The following EFCAB6 variants were observed in gnomAD, a reference collection of about 807,000 sequenced individuals.
EFCAB6 encodes the protein EF-hand calcium-binding domain-containing protein 6.
EFCAB6 carries 156 observed loss-of-function variants against 169.8 expected under a neutral mutation model. The observed-to-expected ratio is 0.92, with a 90% CI of 0.81 to 1.05. EFCAB6 has a LOEUF of 1.05. Among genes scored for constraint, EFCAB6 ranks in the 50% least tolerant of loss-of-function variants. The pLI is 0.00. For missense variants in EFCAB6, 1,800 were observed against 1,829.1 expected (o/e 0.98, Z 0.29); for synonymous variants, 698 against 676.4 (o/e 1.03, Z -0.50).
chr22:43,804,960 AT>A (rs2062864665), intron 2 of EFCAB6, among the ~76,000 whole-genome samples: 1 of 152,202 alleles, frequency 6.6e-6, no homozygotes, highest in Admixed American at 6.5e-5. Flanking sequence ...ATGATCTTAT[AT>A]TTAGAAAAAA....
At chr22:43,753,005 A>AGG (rs1411963974) in intron 6 of EFCAB6, among the ~76,000 whole-genome samples, 1 of 152,152 alleles carries the variant, frequency 6.6e-6, no homozygotes, top group Non-Finnish European at 1.5e-5. Flanking sequence ...TACTGAATGC[A>AGG]GGGGCTTTGC....
intron 9 of EFCAB6, 111 bp downstream of exon 9, chr22:43,716,736 AG>A: frequency 7.5e-7 from 1 of 1,335,994 alleles, no homozygotes; most frequent in Admixed American, 2.8e-5. Flanking sequence ...GAGAAGACAT[AG>A]GTAGGATCGA....
At chr22:43,591,111 G>GTTTTTTTTTTTTTTTTTTTTTTT (rs67053426) in intron 23 of EFCAB6, among the ~76,000 whole-genome samples, 1 of 131,092 alleles carries the variant, frequency 7.6e-6, no homozygotes. Flanking sequence ...TTTGTTTTTT[G>GTTTTTTTTTTTTTTTTTTTTTTT]TTTTTTTTTT....
chr22:43,779,463 CG>C (rs1178429317), intron 3 of EFCAB6, among the ~76,000 whole-genome samples: 3 of 152,094 alleles, frequency 2.0e-5, no homozygotes, highest in Non-Finnish European at 4.4e-5. Flanking sequence ...AAAAAAATGC[CG>C]GGCACGGTGG....
intron 26 of EFCAB6, among the ~76,000 whole-genome samples, chr22:43,566,094 C>T (rs564614038): frequency 1.3e-5 from 2 of 152,236 alleles, no homozygotes; most frequent in South Asian, 2.1e-4. Context: ...CTACAGACCT[C>T]GCTGCCGGAT....
chr22:43,765,812 A>G (rs2061309991), intron 4 of EFCAB6, among the ~76,000 whole-genome samples: 1 of 152,218 alleles, frequency 6.6e-6, no homozygotes, highest in South Asian at 2.1e-4. Context: ...TAAGGTAGAA[A>G]AAAATCCATT....
Position 43,783,756 on chromosome 22 carries a change from A to G in EFCAB6, c.-7-1431T>C, listed in dbSNP as rs138950877. On this transcript the variant is annotated intron_variant, in intron 2 of 31. Coordinates refer to ENST00000262726, the MANE Select transcript of EFCAB6 (RefSeq NM_022785.4). ...ATATGATTTCCACAACTACTACATT[A>G]TATTATTTAAAATGTCATGGGCCTA... 2.7e-4 allele frequency among the ~76,000 whole-genome samples: 41 copies of G among 152,268 alleles called. No homozygotes were observed. In the East Asian group the frequency reaches 7.3e-3, roughly 27 times the overall value.
At chr22:43,724,933 G>A (rs1289492541) in intron 8 of EFCAB6, among the ~76,000 whole-genome samples, 1 of 152,034 alleles carries the variant, frequency 6.6e-6, no homozygotes, top group Non-Finnish European at 1.5e-5. Flanking sequence ...TTCTATCTTA[G>A]TCCTTTTTAT....
chr22:43,630,703 C>T (rs865928667), intron 19 of EFCAB6, among the ~76,000 whole-genome samples: 1 of 152,206 alleles, frequency 6.6e-6, no homozygotes, highest in African/African-American at 2.4e-5. Flanking sequence ...TCTCTCCCTG[C>T]AGCGGCCGCT....
intron 3 of EFCAB6, among the ~76,000 whole-genome samples, chr22:43,780,500 A>AAC (rs929334402): frequency 1.3e-5 from 2 of 151,250 alleles, no homozygotes; most frequent in African/African-American, 4.9e-5. Flanking sequence ...AAAAAAAAAA[A>AAC]AAAAAAAAAA....
chr22:43,785,726 T>G (rs2062053529), intron 2 of EFCAB6, among the ~76,000 whole-genome samples: 1 of 151,978 alleles, frequency 6.6e-6, no homozygotes, highest in African/African-American at 2.4e-5. Flanking sequence ...CTTCAAAAGA[T>G]TATCAAAATT....
At chr22:43,674,286 A>G (rs932588729) in intron 13 of EFCAB6, among the ~76,000 whole-genome samples, 10 of 152,326 alleles carry the variant, frequency 6.6e-5, no homozygotes, top group Non-Finnish European at 1.5e-4. Flanking sequence ...TTATTCATTC[A>G]TTCAATAGAT....
intron 6 of EFCAB6, among the ~76,000 whole-genome samples, chr22:43,743,725 C>T (rs2060453139): frequency 6.6e-6 from 1 of 152,228 alleles, no homozygotes; most frequent in South Asian, 2.1e-4. Flanking sequence ...CTCCCCAACC[C>T]CAGTCCCTCC....
At chr22:43,637,856 A>T (rs938831576) in intron 17 of EFCAB6, among the ~76,000 whole-genome samples, 1 of 152,226 alleles carries the variant, frequency 6.6e-6, no homozygotes, top group African/African-American at 2.4e-5. Context: ...TTTGAAAAAA[A>T]CTTTATATTT....
At chr22:43,723,132 A>G (rs1370734556) in intron 8 of EFCAB6, among the ~76,000 whole-genome samples, 1 of 152,210 alleles carries the variant, frequency 6.6e-6, no homozygotes, top group Non-Finnish European at 1.5e-5. Flanking sequence ...AGATGTGACT[A>G]TATTGCTGTA....
chr22:43,715,810 T>C (rs2147422969), intron 9 of EFCAB6, among the ~76,000 whole-genome samples: 1 of 152,318 alleles, frequency 6.6e-6, no homozygotes, highest in Admixed American at 6.5e-5. Context: ...AGAAAACAAA[T>C]TTAACCAAAT....
In EFCAB6 at chr22:43,678,079, C is replaced by T. The variant is rs1488712423; in HGVS notation, c.1336G>A (p.Glu446Lys). Reference protein sequence around the residue: ...AVKLSDSEFKELMQMLDPGDT... With the variant: ...AVKLSDSEFKKLMQMLDPGDT... ...CCAGGGTCAAGCATTTGCATTAGTT[C>T]TTTGAATTCTGAATCGCTTAGTTTT... Residue 446 changes from glutamate (E) to lysine (K), a missense_variant, in exon 13 of 32, where the codon GAA becomes AAA. Physicochemically the swap from Glu to Lys is moderately conservative, Grantham distance 56. Transcript: ENST00000262726. The T allele has an allele frequency of 1.9e-6, 3 of 1,612,496 alleles. 1 individual carries two copies. The South Asian group carries it at 3.3e-5, about 18-fold the overall frequency.
chr22:43,602,592 C>G, intron 22 of EFCAB6, among the ~76,000 whole-genome samples: 1 of 152,108 alleles, frequency 6.6e-6, no homozygotes, highest in East Asian at 1.9e-4. Flanking sequence ...CTTGTGGCAC[C>G]AGGACAATGT....
At chr22:43,742,380 AT>A (rs2060406921) in intron 6 of EFCAB6, among the ~76,000 whole-genome samples, 1 of 152,086 alleles carries the variant, frequency 6.6e-6, no homozygotes, top group Admixed American at 6.5e-5. Flanking sequence ...TTGGGAAGAT[AT>A]TTACTCCTGA....
Sources: gnomAD v4.1 joint callset for allele counts (sites outside exome capture counted in the v4.1 genomes callset) on GRCh38, gnomAD v4.1.1 for gene constraint, MANE v1.5 for transcripts, NCBI Gene and HGNC (gene_info 2026-07-23, HGNC 2026-07-21) for gene names.